Variants in SQOR observed in about 807,000 individuals in gnomAD.
SQOR encodes sulfide:quinone oxidoreductase, mitochondrial.
SQOR carries 39 observed loss-of-function variants against 48.6 expected under a neutral mutation model. The observed-to-expected ratio is 0.80, with a 90% CI of 0.62 to 1.05. The LOEUF is 1.05. SQOR is among the 50% of genes least tolerant of loss of function. The probability of loss-of-function intolerance (pLI) is 0.00; values close to 1 mark genes in which losing one functional copy is unlikely to be tolerated. For missense variants in SQOR, 561 were observed against 559.9 expected (o/e 1.00, Z -0.02); for synonymous variants, 220 against 206.2 (o/e 1.07, Z -0.57).
chr15:45,644,246 C>T (rs1895160608), intron 1 of SQOR, among the ~76,000 whole-genome samples: 2 of 152,102 alleles, frequency 1.3e-5, no homozygotes, highest in Non-Finnish European at 2.9e-5. Context: ...CGCCATCATG[C>T]CTGGCTAATT....
intron 6 of SQOR, among the ~76,000 whole-genome samples, chr15:45,681,992 T>C (rs1220178423): frequency 6.6e-6 from 1 of 152,198 alleles, no homozygotes. Context: ...TTGACACATA[T>C]TTGGGAATGA....
intron 9 of SQOR, among the ~76,000 whole-genome samples, chr15:45,689,979 C>T (rs1252136184): frequency 6.6e-6 from 1 of 151,992 alleles, no homozygotes; most frequent in Non-Finnish European, 1.5e-5. Flanking sequence ...ACATTGCCTA[C>T]CTCACAAGAT....
chr15:45,664,585 C>T (rs1889780141), intron 3 of SQOR, among the ~76,000 whole-genome samples: 1 of 152,084 alleles, frequency 6.6e-6, no homozygotes, highest in African/African-American at 2.4e-5. Flanking sequence ...TACAGAACAG[C>T]CCAGAATAGC....
chr15:45,670,063 C>A (rs1255800665), intron 4 of SQOR, 82 bp downstream of exon 4: 1 of 1,316,488 alleles, frequency 7.6e-7, no homozygotes, highest in Non-Finnish European at 1.1e-6. Context: ...TTATTATATT[C>A]ATTTTGACAA....
chr15:45,654,630 A>G (rs911428907), intron 1 of SQOR, among the ~76,000 whole-genome samples: 1 of 152,204 alleles, frequency 6.6e-6, no homozygotes, highest in African/African-American at 2.4e-5. Context: ...ACTGGCGTGT[A>G]TACCCATGGT....
upstream of SQOR, among the ~76,000 whole-genome samples, chr15:45,633,433 C>T (rs985115457): frequency 4.6e-5 from 7 of 152,110 alleles, no homozygotes; most frequent in East Asian, 1.9e-4. Context: ...CGATGGCTCA[C>T]GCCTGTAATC....
intron 9 of SQOR, among the ~76,000 whole-genome samples, 168 bp from the exon 10 acceptor site, chr15:45,690,805 G>T (rs1210730927): frequency 2.0e-5 from 3 of 152,234 alleles, no homozygotes; most frequent in African/African-American, 7.2e-5. Context: ...AATGGAAGTA[G>T]GTTGTCCCCT....
rs538673871 is a variant in SQOR, at chr15:45,637,778, C to T, written c.-18+2670C>T. Among the ~76,000 whole-genome samples, 141 of 152,258 alleles carry T rather than the reference C, an allele frequency of 9.3e-4. 2 individuals are homozygous for T. The South Asian group carries it at 0.027, about 29-fold the overall frequency. ...TTGCCTGTGTCTAGCTTTGTTAATC[C>T]GATGTGTTGTAACACAGGAAATGTC... On this transcript the variant is annotated intron_variant, in intron 1 of 9. Coordinates refer to ENST00000260324, the MANE Select transcript of SQOR (RefSeq NM_021199.4).
At chr15:45,689,785 C>G (rs944284693) in intron 9 of SQOR, among the ~76,000 whole-genome samples, 1 of 152,062 alleles carries the variant, frequency 6.6e-6, no homozygotes, top group Non-Finnish European at 1.5e-5. Flanking sequence ...ACTTTGGAGT[C>G]AGACCTGCAT....
chr15:45,661,289 T>TAGAAAAAAAAAAAAA (rs777334925), intron 2 of SQOR, among the ~76,000 whole-genome samples: 9 of 84,378 alleles, frequency 1.1e-4, no homozygotes, highest in African/African-American at 3.7e-4. Flanking sequence ...AGACTCTGTC[T>TAGAAAAAAAAAAAAA]TAAAAAAAAA....
intron 8 of SQOR, among the ~76,000 whole-genome samples, 184 bp downstream of exon 8, chr15:45,688,588 C>G (rs1012681245): frequency 6.6e-6 from 1 of 151,512 alleles, no homozygotes; most frequent in Non-Finnish European, 1.5e-5. Context: ...CTCAGCTCAC[C>G]GCAACCTCCA....
chr15:45,671,771 C>A (rs1889948823), intron 4 of SQOR, among the ~76,000 whole-genome samples: 1 of 152,186 alleles, frequency 6.6e-6, no homozygotes, highest in South Asian at 2.1e-4. Context: ...TAGCCTCTTT[C>A]TCAGGCCAGC....
chr15:45,650,068 C>T (rs528549438), intron 1 of SQOR, among the ~76,000 whole-genome samples: 65 of 152,020 alleles, frequency 4.3e-4, no homozygotes, highest in African/African-American at 1.5e-3. Flanking sequence ...GTCTTTAACT[C>T]ATGACCTCAA....
At chr15:45,682,712 G>A (rs1483370008) in intron 7 of SQOR, 51 bp downstream of exon 7, 1 of 1,589,166 alleles carries the variant, frequency 6.3e-7, no homozygotes, top group Non-Finnish European at 8.6e-7. Context: ...GTCACCTCAA[G>A]GCATGATTGT....
chr15:45,676,855 A>G (rs1167927269), intron 6 of SQOR, among the ~76,000 whole-genome samples: 1 of 152,148 alleles, frequency 6.6e-6, no homozygotes, highest in African/African-American at 2.4e-5. Flanking sequence ...AGGCTGGCCA[A>G]CATGGTGAAG....
At position 45,667,918 on chromosome 15, in the gene SQOR, T is replaced by C. The variant is rs143156139; in HGVS notation, c.406-2010T>C. 1.7e-4 allele frequency among the ~76,000 whole-genome samples: 26 copies of C among 148,574 alleles called. No individual in the cohort carries two copies. In the East Asian group the frequency reaches 4.6e-3, roughly 27 times the overall value. On this transcript the variant is annotated intron_variant, in intron 3 of 9. Coordinates refer to ENST00000260324, the MANE Select transcript of SQOR (RefSeq NM_021199.4). ...GAAGATGGAATTTCAATACATCATC[T>C]TTCTTTATTTCTTTCTTTCTTTCTT...
chr15:45,650,162 T>C (rs536146035), intron 1 of SQOR, among the ~76,000 whole-genome samples: 1 of 151,932 alleles, frequency 6.6e-6, no homozygotes, highest in East Asian at 1.9e-4. Flanking sequence ...GCCTTTGCAA[T>C]GTGGTCTGGC....
intron 5 of SQOR, among the ~76,000 whole-genome samples, chr15:45,675,279 G>C (rs1027370011): frequency 6.6e-6 from 1 of 152,158 alleles, no homozygotes; most frequent in Non-Finnish European, 1.5e-5. Context: ...TAAGATCTTA[G>C]GCATTTGGGA....
At chr15:45,665,266 G>T (rs982193222) in intron 3 of SQOR, among the ~76,000 whole-genome samples, 1 of 152,196 alleles carries the variant, frequency 6.6e-6, no homozygotes, top group Non-Finnish European at 1.5e-5. Flanking sequence ...AGAAGTTGGT[G>T]CAATGTAGTG....
Sources: allele counts gnomAD v4.1 joint callset (sites outside exome capture counted in the v4.1 genomes callset), GRCh38; gene constraint gnomAD v4.1.1; transcripts MANE v1.5; gene names NCBI Gene and HGNC (gene_info 2026-07-23, HGNC 2026-07-21).